MYO16: variants seen among roughly 807,000 people sequenced by gnomAD.
MYO16 encodes the protein unconventional myosin-XVI.
A neutral mutation model predicts 205.3 loss-of-function variants in MYO16; 94 were observed. The observed-to-expected ratio is 0.46, with a 90% CI of 0.39 to 0.54. MYO16 has a LOEUF of 0.54. Among genes scored for constraint, MYO16 ranks in the 20% least tolerant of loss-of-function variants. MYO16 has a pLI of 0.00. For missense variants in MYO16, 2,315 were observed against 2,387.5 expected, an observed-to-expected ratio of 0.97 and a Z score of 0.63; for synonymous variants, 988 against 954.0, an observed-to-expected ratio of 1.04 and a Z score of -0.66.
intron 34 of MYO16, among the ~76,000 whole-genome samples, chr13:109,193,363 ACT>A (rs1445482505): frequency 6.6e-6 from 1 of 152,114 alleles, no homozygotes; most frequent in Non-Finnish European, 1.5e-5. Flanking sequence ...CAAGTGGGTG[ACT>A]CTAACAGGTC....
intron 3 of MYO16, among the ~76,000 whole-genome samples, chr13:108,717,042 C>T (rs997664503): frequency 1.3e-5 from 2 of 149,908 alleles, no homozygotes; most frequent in African/African-American, 2.5e-5. Flanking sequence ...CTCATGAGGC[C>T]AGTATAGAAG....
chr13:108,669,808 C>A (rs769108844), intron 2 of MYO16, among the ~76,000 whole-genome samples: 12 of 152,070 alleles, frequency 7.9e-5, no homozygotes, highest in East Asian at 1.9e-4. Context: ...TCATTCTCAG[C>A]AAACTAACAC....
At chr13:109,049,527 G>A (rs964123650) in intron 24 of MYO16, among the ~76,000 whole-genome samples, 49 of 151,858 alleles carry the variant, frequency 3.2e-4, no homozygotes, top group African/African-American at 1.2e-3. Flanking sequence ...TACATATTTT[G>A]GACCATATTT....
intron 31 of MYO16, among the ~76,000 whole-genome samples, chr13:109,132,650 T>C (rs1876593769): frequency 6.6e-6 from 1 of 152,216 alleles, no homozygotes; most frequent in Non-Finnish European, 1.5e-5. Flanking sequence ...GTGTCAAGGC[T>C]AGATTTGTCT....
chr13:108,776,479 C>T (rs1349975122), intron 4 of MYO16, among the ~76,000 whole-genome samples: 1 of 152,184 alleles, frequency 6.6e-6, no homozygotes, highest in Non-Finnish European at 1.5e-5. Flanking sequence ...GCGGCTCAAG[C>T]TTTGCCATAG....
At position 108,886,768 on chromosome 13, in the gene MYO16, T is replaced by A. The variant is rs115606591; in HGVS notation, c.1554-1604T>A. On this transcript the variant is annotated intron_variant, in intron 13 of 34. Coordinates refer to ENST00000457511, the MANE Select transcript of MYO16 (RefSeq NM_001198950.3). Reference sequence around the variant, plus strand: ...CTGACGTAAGCACTCGTGGGGCGGGTCGGAGCTTCTCGGGGGACCCTTCCC... The same window carrying A: ...CTGACGTAAGCACTCGTGGGGCGGGACGGAGCTTCTCGGGGGACCCTTCCC... Among the ~76,000 whole-genome samples, 816 of 151,574 alleles carry A rather than the reference T, an allele frequency of 5.4e-3. 12 individuals carry two copies. The highest frequency in any genetic ancestry group is 0.018 in the African/African-American group (742 of 41,288).
At position 109,140,200 on chromosome 13, in the gene MYO16, C is replaced by G; in HGVS notation, c.4052-64C>G. On this transcript the variant is annotated intron_variant, in intron 31 of 34. Transcript: ENST00000457511. The surrounding 1 kb of genome is among the most constrained non-coding windows in gnomAD (Gnocchi z 8.0). ...CCGTGGCTCCCTCCGAGTCGAGCCC[C>G]GGGCTTGGTGGGCACCCGTGGGCCT... 2 of 1,573,302 alleles carry G rather than the reference C, an allele frequency of 1.3e-6. No homozygotes were observed. The highest frequency in any genetic ancestry group is 1.7e-6 in the Non-Finnish European group (2 of 1,167,970).
At position 108,820,406 on chromosome 13, in the gene MYO16, G is replaced by T. The variant is rs1875903958; in HGVS notation, c.937G>T (p.Ala313Ser). The change falls in exon 8 of 35, where the codon GCG becomes TCG. Residue 313 changes from alanine (A) to serine (S), a missense_variant. Transcript: ENST00000457511. ...CCTCGTGAACTGTAATGAGGAGAAG[G>T]CGTCAGGTAGGTTAGGAGCATCCTT... ...PHLVNCNEEK[A>S]SDIAASEFIE... The T allele has an allele frequency of 1.2e-6, 2 of 1,604,254 alleles. No homozygotes were observed. Among genetic ancestry groups the T allele is most frequent in the African/African-American group, 1.3e-5 (1 of 74,434 alleles).
the MYO16 span, among the ~76,000 whole-genome samples, chr13:108,547,607 T>C: frequency 6.6e-6 from 1 of 152,228 alleles, no homozygotes; most frequent in Non-Finnish European, 1.5e-5. Context: ...TATTAGGCTA[T>C]TTCTAAGTGC....
At chr13:108,697,736 T>C (rs1883143931) in intron 2 of MYO16, among the ~76,000 whole-genome samples, 3 of 152,196 alleles carry the variant, frequency 2.0e-5, no homozygotes, top group African/African-American at 7.2e-5. Context: ...TTTTTTCTTT[T>C]TTTTGAGACA....
At position 108,806,690 on chromosome 13, in the gene MYO16, G is replaced by T. The variant is rs537076680; in HGVS notation, c.753G>T (p.Ala251=). The change falls in exon 7 of 35, where the codon GCG becomes GCT. Residue 251 remains alanine (A), a synonymous_variant. Coordinates refer to ENST00000457511, the MANE Select transcript of MYO16 (RefSeq NM_001198950.3). ...NDEGVTLLHM[A]CASGYKEVVS... ...TCTCTTCGCTGCAGTTACACATGGC[G>T]TGTGCGAGTGGCTACAAGGAGGTGG... 3 of 1,612,864 alleles carry T rather than the reference G, an allele frequency of 1.9e-6. No homozygotes were observed. The highest frequency in any genetic ancestry group is 3.3e-5 in the Admixed American group (2 of 59,984).
intron 11 of MYO16, among the ~76,000 whole-genome samples, chr13:108,865,900 C>A (rs1344097403): frequency 6.6e-6 from 1 of 152,006 alleles, no homozygotes; most frequent in Non-Finnish European, 1.5e-5. Flanking sequence ...CTCACAGAAT[C>A]TTTTAAGAAA....
intron 33 of MYO16, among the ~76,000 whole-genome samples, chr13:109,178,813 G>T (rs1879332958): frequency 1.3e-5 from 2 of 152,172 alleles, no homozygotes; most frequent in Non-Finnish European, 2.9e-5. Context: ...AGACCCCACT[G>T]CAAAGAATTA....
intron 23 of MYO16, among the ~76,000 whole-genome samples, chr13:109,041,785 T>A (rs1886891120): frequency 6.6e-6 from 1 of 151,844 alleles, no homozygotes; most frequent in South Asian, 2.1e-4. Context: ...AAATATTTAA[T>A]GGTAATAGAA....
upstream of MYO16, among the ~76,000 whole-genome samples, chr13:108,625,865 T>C (rs12323070): frequency 0.03 from 4,608 of 152,338 alleles, 186 homozygotes; most frequent in African/African-American, 0.09. Context: ...ATAAAGCATG[T>C]CAATGCAGGC....
At chr13:108,518,647 T>A in the MYO16 span, among the ~76,000 whole-genome samples, 1 of 152,210 alleles carries the variant, frequency 6.6e-6, no homozygotes, top group African/African-American at 2.4e-5. Flanking sequence ...TACACCAGTT[T>A]TCCATACAAA....
At chr13:108,536,068 C>A in the MYO16 span, among the ~76,000 whole-genome samples, 1 of 151,858 alleles carries the variant, frequency 6.6e-6, no homozygotes, top group African/African-American at 2.4e-5. Flanking sequence ...AGTGTGCTTA[C>A]TTTGGTTGGA....
chr13:108,624,892 C>T (rs1269299801), upstream of MYO16, among the ~76,000 whole-genome samples: 1 of 151,368 alleles, frequency 6.6e-6, no homozygotes, highest in East Asian at 1.9e-4. Flanking sequence ...TATTGTATTA[C>T]AGAGAGTAAT....
rs66533295 is a variant in MYO16, at chr13:108,614,801, A to C, written c.-39+18562A>C. ...TGAACTTGGACCCATACTTCATACC[A>C]TATACACAAATTAACAAAAAAATAG... On this transcript the variant is annotated intron_variant, in intron 1 of 24. Transcript: ENST00000251041. Among the ~76,000 whole-genome samples, 348 of 142,126 alleles carry C rather than the reference A, an allele frequency of 2.4e-3. 1 individual carries two copies. Among genetic ancestry groups the C allele is most frequent in the African/African-American group, 8.8e-3 (340 of 38,540 alleles). 93.2% of individuals were successfully genotyped at this position (142,126 alleles called of 152,430 possible). A position where few individuals can be genotyped will look rare whatever the true frequency, so the allele number is the denominator to read the frequency against.
Sources: gnomAD v4.1 joint callset for allele counts (sites outside exome capture counted in the v4.1 genomes callset) on GRCh38, gnomAD v4.1.1 for gene constraint, Gnocchi (gnomAD v3.1) non-coding constraint, MANE v1.5 for transcripts, NCBI Gene and HGNC (gene_info 2026-07-23, HGNC 2026-07-21) for gene names.